The following PCBP3 variants were observed in gnomAD, a reference collection of about 807,000 sequenced individuals.
PCBP3 encodes the protein poly(rC)-binding protein 3.
A neutral mutation model predicts 52.7 loss-of-function variants in PCBP3; 25 were observed. That is an observed-to-expected ratio of 0.47 (90% confidence interval 0.35 to 0.66). PCBP3 has a LOEUF of 0.66. Among genes scored for constraint, PCBP3 ranks in the 30% least tolerant of loss-of-function variants. The probability of loss-of-function intolerance (pLI) is 0.01; values close to 1 mark genes in which losing one functional copy is unlikely to be tolerated. For missense variants in PCBP3, 391 were observed against 490.3 expected, an observed-to-expected ratio of 0.80 and a Z score of 1.91; for synonymous variants, 162 against 183.0, an observed-to-expected ratio of 0.89 and a Z score of 0.93.
intron 4 of PCBP3, among the ~76,000 whole-genome samples, chr21:45,784,392 C>A (rs2090904465): frequency 9.0e-6 from 1 of 110,972 alleles, no homozygotes; most frequent in African/African-American, 3.3e-5. Context: ...ACCTCTACCT[C>A]TACCGCTACC....
At chr21:45,699,995 A>C (rs1407019373) in intron 2 of PCBP3, among the ~76,000 whole-genome samples, 1 of 152,164 alleles carries the variant, frequency 6.6e-6, no homozygotes, top group Non-Finnish European at 1.5e-5. Context: ...GTCTTAACTC[A>C]TTTCACCATT....
At chr21:45,855,280 G>C (rs1039162244) in intron 5 of PCBP3, among the ~76,000 whole-genome samples, 1 of 152,096 alleles carries the variant, frequency 6.6e-6, no homozygotes, top group Non-Finnish European at 1.5e-5. Flanking sequence ...GGATCTGGGA[G>C]GCACAGGGAG....
intron 13 of PCBP3, among the ~76,000 whole-genome samples, chr21:45,925,871 C>T (rs2149443121): frequency 6.6e-6 from 1 of 152,306 alleles, no homozygotes; most frequent in Admixed American, 6.5e-5. Flanking sequence ...AAAAACTTGG[C>T]ACACCTCTCT....
At chr21:45,780,838 G>A (rs542251530) in intron 4 of PCBP3, among the ~76,000 whole-genome samples, 1 of 152,300 alleles carries the variant, frequency 6.6e-6, no homozygotes, top group East Asian at 1.9e-4. Flanking sequence ...CACTTTTATT[G>A]GAGTCTAGGG....
At chr21:45,810,320 G>A (rs528168428) in intron 4 of PCBP3, among the ~76,000 whole-genome samples, 1 of 152,008 alleles carries the variant, frequency 6.6e-6, no homozygotes, top group Non-Finnish European at 1.5e-5. Context: ...GCTCACGGCA[G>A]TCTCAGTCTC....
intron 5 of PCBP3, among the ~76,000 whole-genome samples, chr21:45,884,525 G>T (rs2095474361): frequency 6.6e-6 from 1 of 152,036 alleles, no homozygotes; most frequent in East Asian, 1.9e-4. Flanking sequence ...TATGCAACAT[G>T]CATGCACATC....
At chr21:45,901,334 C>T (rs1169670536) in intron 9 of PCBP3, 2 of 513,246 alleles carry the variant, frequency 3.9e-6, no homozygotes, top group Non-Finnish European at 7.1e-6. Context: ...GCCAGCTACT[C>T]CCGGCTGTAT....
At chr21:45,747,321 G>C (rs1019794401) in intron 3 of PCBP3, among the ~76,000 whole-genome samples, 2 of 152,210 alleles carry the variant, frequency 1.3e-5, no homozygotes, top group Non-Finnish European at 2.9e-5. Flanking sequence ...GGGGATTATG[G>C]GAGCTACAAT....
chr21:45,698,045 G>T (rs180849644), intron 2 of PCBP3, among the ~76,000 whole-genome samples: 1 of 152,258 alleles, frequency 6.6e-6, no homozygotes, highest in East Asian at 1.9e-4. Flanking sequence ...TCTCACCTGG[G>T]CTTCACAATT....
chr21:45,797,763 T>TGGACGA (rs2092039697), intron 4 of PCBP3, among the ~76,000 whole-genome samples: 1 of 944 alleles, frequency 1.1e-3, no homozygotes, highest in Non-Finnish European at 1.8e-3. Context: ...AGTGAATGGA[T>TGGACGA]GTGCATGTGG....
chr21:45,896,104 C>T, intron 5 of PCBP3, 104 bp from the exon 6 acceptor site: 1 of 1,114,832 alleles, frequency 9.0e-7, no homozygotes, highest in Non-Finnish European at 1.3e-6. Flanking sequence ...CAACCCCATT[C>T]TCCTGCCACC....
intron 4 of PCBP3, among the ~76,000 whole-genome samples, chr21:45,780,452 G>A (rs1030439877): frequency 2.6e-5 from 4 of 152,226 alleles, no homozygotes; most frequent in African/African-American, 7.2e-5. Context: ...CTGACAGGCA[G>A]TCTAATGCCT....
intron 4 of PCBP3, chr21:45,832,730 A>G (rs1282262525): frequency 6.6e-6 from 1 of 152,240 alleles, no homozygotes; most frequent in African/African-American, 2.4e-5. Context: ...TCGTTTTCAC[A>G]CTGCTATAAA....
At chr21:45,690,656 A>G (rs2088526253) in intron 2 of PCBP3, among the ~76,000 whole-genome samples, 1 of 152,146 alleles carries the variant, frequency 6.6e-6, no homozygotes, top group Admixed American at 6.5e-5. Context: ...ATACCAAAAT[A>G]TTTCTACAGA....
At chr21:45,824,325 C>G (rs1307618106) in intron 4 of PCBP3, among the ~76,000 whole-genome samples, 2 of 152,202 alleles carry the variant, frequency 1.3e-5, no homozygotes, top group Non-Finnish European at 2.9e-5. Flanking sequence ...TGTTTTAGAT[C>G]TCATTCCCTT....
chr21:45,894,786 A>C (rs145751628), intron 5 of PCBP3, among the ~76,000 whole-genome samples: 5 of 152,244 alleles, frequency 3.3e-5, no homozygotes, highest in African/African-American at 1.2e-4. Context: ...GTGCAGCGAG[A>C]GCATTCTTAT....
chr21:45,835,694 G>A (rs538242274), intron 4 of PCBP3, among the ~76,000 whole-genome samples: 1 of 152,294 alleles, frequency 6.6e-6, no homozygotes, highest in South Asian at 2.1e-4. Context: ...CATGGGCCTG[G>A]ACCCTGGCTC....
chr21:45,728,489 T>G (rs917333889), intron 2 of PCBP3, among the ~76,000 whole-genome samples: 3 of 152,214 alleles, frequency 2.0e-5, no homozygotes, highest in African/African-American at 7.2e-5. Flanking sequence ...ATGCTAAAAT[T>G]TAAGAATTTT....
At chr21:45,892,195 G>T (rs913535885) in intron 5 of PCBP3, among the ~76,000 whole-genome samples, 9 of 152,186 alleles carry the variant, frequency 5.9e-5, no homozygotes, top group African/African-American at 1.9e-4. Flanking sequence ...TTTGATGGAC[G>T]ACGGGCAGTG....
Sources: allele counts gnomAD v4.1 joint callset (sites outside exome capture counted in the v4.1 genomes callset), GRCh38; gene constraint gnomAD v4.1.1; transcripts MANE v1.5; gene names NCBI Gene and HGNC (gene_info 2026-07-23, HGNC 2026-07-21).